The following PASK variants were observed in gnomAD, a reference collection of about 807,000 sequenced individuals.
PASK encodes the protein PAS domain containing serine/threonine kinase.
In PASK, 110 loss-of-function variants were observed where a neutral mutation model predicts 121.0. The ratio of observed to expected loss-of-function variants is 0.91; its 90% CI spans 0.78 to 1.06. The LOEUF (loss-of-function observed/expected upper bound fraction) is 1.06. Ranked by LOEUF, PASK falls within the 50% of genes least tolerant of loss-of-function variation. The probability of loss-of-function intolerance (pLI) is 0.00; values close to 1 mark genes in which losing one functional copy is unlikely to be tolerated. For missense variants in PASK, 1,643 were observed against 1,702.3 expected (o/e 0.97, Z 0.61); for synonymous variants, 686 against 717.8 (o/e 0.96, Z 0.71).
At position 241,115,043 on chromosome 2, in the gene PASK, T is replaced by A; in HGVS notation, c.3333A>T (p.Gln1111His). 2 of 1,614,122 alleles carry A rather than the reference T, an allele frequency of 1.2e-6. No individual in the cohort carries two copies. The highest frequency in any genetic ancestry group is 1.7e-6 in the Non-Finnish European group (2 of 1,179,996). The change falls in exon 14 of 18, where the codon CAA (glutamine) becomes CAT (histidine). Residue 1111 changes from glutamine to histidine, a missense_variant and splice_region_variant. By Grantham distance (24) the Gln-to-His change is conservative. Around this residue, in one of 3 missense-constraint regions of PASK, gnomAD observed 453 missense variants for 511.2 expected, o/e 0.89. Coordinates refer to ENST00000234040, the MANE Select transcript of PASK (RefSeq NM_015148.4). Reference sequence around the variant, plus strand: ...TAACACGGCTCTGGCCTGCTCTCACTTGTCGGAAGATGTAGCTCGCCAGGG... The same window carrying A: ...TAACACGGCTCTGGCCTGCTCTCACATGTCGGAAGATGTAGCTCGCCAGGG... Reference protein sequence around the residue: ...DEPLASYIFRQLVSAVGYLRL... With the variant: ...DEPLASYIFRHLVSAVGYLRL...
Position 241,140,542 on chromosome 2 carries a change from C to T in PASK, c.408G>A (p.Thr136=), listed in dbSNP as rs758784481. Residue 136 remains threonine, a synonymous_variant, in exon 3 of 18, where the codon ACG becomes ACA. Transcript: ENST00000234040. The part of the protein sequence containing the change: ...PVCNPNKAIF[T]VDAKTTEILV... Reference sequence around the variant, plus strand: ...ATACCTCTGTGGTCTTGGCATCCACCGTGAAGATGGCCTTGTTAGGGTTGC... The same window carrying T: ...ATACCTCTGTGGTCTTGGCATCCACTGTGAAGATGGCCTTGTTAGGGTTGC... 195 of 1,612,652 alleles carry T rather than the reference C, an allele frequency of 1.2e-4. 3 individuals are homozygous for T. The South Asian group carries it at 1.9e-3, about 16-fold the overall frequency.
At chr2:241,135,656 T>C (rs1329142839) in intron 8 of PASK, among the ~76,000 whole-genome samples, 1 of 151,866 alleles carries the variant, frequency 6.6e-6, no homozygotes, top group East Asian at 1.9e-4. Flanking sequence ...TTCTATTCTC[T>C]TCTCTATGCT....
At chr2:241,118,144 T>A (rs979246000) in intron 12 of PASK, among the ~76,000 whole-genome samples, 2 of 151,846 alleles carry the variant, frequency 1.3e-5, no homozygotes, top group African/African-American at 4.8e-5. Context: ...TTTGCAAAAC[T>A]GACAAGCTCA....
At chr2:241,114,046 A>G in intron 14 of PASK, 9 of 984,890 alleles carry the variant, frequency 9.1e-6, no homozygotes, top group Non-Finnish European at 1.1e-5. Flanking sequence ...CCCAGAATTA[A>G]CAGCTGTCAG....
rs1424632489 is a variant in PASK, at chr2:241,126,610, T to C, written c.2305A>G (p.Thr769Ala). 1 of 1,614,180 alleles carries C rather than the reference T, an allele frequency of 6.2e-7. No individual in the cohort carries two copies. Among genetic ancestry groups the C allele is most frequent in the Admixed American group, 1.7e-5 (1 of 60,028 alleles). The change falls in exon 10 of 18, where the codon ACA becomes GCA. Residue 769 changes from threonine to alanine, a missense_variant. Thr to Ala is a moderately conservative substitution (Grantham distance 58). Coordinates refer to ENST00000234040, the MANE Select transcript of PASK (RefSeq NM_015148.4). ...GAGCCCACTGCCAAGGAAGAGGGTG[T>C]CTCTCTGAGTTCAGACGTAGCACAG... ...CSCATSELRETPSSLAVGSDP... is the reference protein window; with the variant it reads ...CSCATSELREAPSSLAVGSDP...
rs542699719 is a variant in PASK, at chr2:241,115,954, C to T, written c.3073-541G>A. Among the ~76,000 whole-genome samples, 6 of 96,350 alleles carry T rather than the reference C, an allele frequency of 6.2e-5. 1 individual carries two copies. The highest frequency in any genetic ancestry group is 5.8e-4 in the East Asian group (1 of 1,736). The allele number at this position is 96,350 out of a possible 152,430, so 63.2% of individuals were successfully genotyped here. On this transcript the variant is annotated intron_variant, in intron 12 of 17. Coordinates refer to ENST00000234040, the MANE Select transcript of PASK (RefSeq NM_015148.4). ...CCATCAGTCCTCAAGCATCCCATTA[C>T]GCCGGGGCCACCTGGTCCTCAAGCA...
chr2:241,118,229 A>G (rs952206727), intron 12 of PASK, among the ~76,000 whole-genome samples: 4 of 152,194 alleles, frequency 2.6e-5, no homozygotes, highest in African/African-American at 9.6e-5. Flanking sequence ...GAAAAAAAAA[A>G]AACACAAAGT....
At chr2:241,118,909 T>C in intron 12 of PASK, 1 of 1,034,244 alleles carries the variant, frequency 9.7e-7, no homozygotes, top group Non-Finnish European at 1.2e-6. Flanking sequence ...GCTGCCGAGA[T>C]CTTCTCATAC....
At chr2:241,145,162 T>C (rs892718568) in intron 1 of PASK, among the ~76,000 whole-genome samples, 1 of 152,158 alleles carries the variant, frequency 6.6e-6, no homozygotes, top group African/African-American at 2.4e-5. Flanking sequence ...ATCCACCTGC[T>C]GCGGCCTCCC....
chr2:241,125,914 A>T (rs1000795761), intron 10 of PASK, among the ~76,000 whole-genome samples: 1 of 152,106 alleles, frequency 6.6e-6, no homozygotes, highest in African/African-American at 2.4e-5. Flanking sequence ...TGCTGGGAGG[A>T]GCGGCTCTCT....
In PASK at chr2:241,132,990, C is replaced by A. The variant is rs1363951669; in HGVS notation, c.1347G>T (p.Val449=). 3 of 1,614,114 alleles carry A rather than the reference C, an allele frequency of 1.9e-6. No homozygotes were observed. Among genetic ancestry groups the A allele is most frequent in the East Asian group, 2.2e-5 (1 of 44,880 alleles). The change falls in exon 9 of 18, where the codon GTG becomes GTT. Residue 449 remains valine (V), a synonymous_variant. Transcript: ENST00000234040. The stretch of plus-strand genomic sequence containing the variant: ...TCAGCTTCCGGATCTCATCTCGGGG[C>A]ACAACGTGGCCACCAGCAAGCACGA... ...INVVLAGGHV[V]PRDEIRKLME...
chr2:241,142,160 C>A (rs1342022758), intron 2 of PASK, among the ~76,000 whole-genome samples: 2 of 152,130 alleles, frequency 1.3e-5, no homozygotes, highest in African/African-American at 4.8e-5. Context: ...AAGCTCAGCT[C>A]CAACACCCTC....
chr2:241,145,804 G>C (rs959064890), intron 1 of PASK: 1 of 152,300 alleles, frequency 6.6e-6, no homozygotes, highest in Non-Finnish European at 1.5e-5. Context: ...GAACCTGGGA[G>C]GTGGAGGTTG....
rs1466256693 is a variant in PASK, at chr2:241,133,001, C to T, written c.1336G>A (p.Gly446Ser). ...ATCTCATCTCGGGGCACAACGTGGC[C>T]ACCAGCAAGCACGACATTAATCCTT... Reference protein sequence around the residue: ...DPRINVVLAGGHVVPRDEIRK... With the variant: ...DPRINVVLAGSHVVPRDEIRK... The change falls in exon 9 of 18, where the codon GGC (glycine) becomes AGC (serine). Residue 446 changes from glycine (G) to serine (S), a missense_variant. Around this residue, in one of 3 missense-constraint regions of PASK, gnomAD observed 1,176 missense variants for 1,162.2 expected, o/e 1.01. Coordinates refer to ENST00000234040, the MANE Select transcript of PASK (RefSeq NM_015148.4). 4 of 1,613,984 alleles carry T rather than the reference C, an allele frequency of 2.5e-6. No individual in the cohort carries two copies. Among genetic ancestry groups the T allele is most frequent in the Non-Finnish European group, 3.4e-6 (4 of 1,180,012 alleles).
rs35476448 is a variant in PASK, at chr2:241,144,149, CGT to C, written c.-42-1077_-42-1076del. Among the ~76,000 whole-genome samples the C allele has an allele frequency of 9.2e-3, 1,396 of 152,076 alleles. 15 individuals carry two copies. Among genetic ancestry groups the C allele is most frequent in the East Asian group, 0.026 (136 of 5,166 alleles). On this transcript the variant is annotated intron_variant, in intron 1 of 17. Transcript: ENST00000234040. ...GTGCGTGTGCACATGTGTACATGAG[CGT>C]GTGTGTGTGCGCGCATGTGAGCACG...
intron 11 of PASK, 139 bp from the exon 12 acceptor site, chr2:241,123,038 C>G: frequency 1.4e-6 from 1 of 731,622 alleles, no homozygotes; most frequent in Non-Finnish European, 2.2e-6. Context: ...TCCTCCCATG[C>G]TCTCAGACAG....
chr2:241,116,844 G>A lies in PASK; in HGVS notation c.3073-1431C>T, dbSNP rs529739990. ...AACCACAGGATGGGCCTGTTCAGGT[G>A]TCAGGAAGAGATGCTGAGTGAGATC... On this transcript the variant is annotated intron_variant, in intron 12 of 17. Coordinates refer to ENST00000234040, the MANE Select transcript of PASK (RefSeq NM_015148.4). Among the ~76,000 whole-genome samples, 16 of 152,338 alleles carry A rather than the reference G, an allele frequency of 1.1e-4. 1 individual carries two copies. The South Asian group carries it at 2.3e-3, about 22-fold the overall frequency.
At chr2:241,111,189 G>A (rs2065097253) in intron 15 of PASK, among the ~76,000 whole-genome samples, 1 of 152,244 alleles carries the variant, frequency 6.6e-6, no homozygotes, top group Admixed American at 6.5e-5. Flanking sequence ...GTGACTGCGA[G>A]CAAATGCCCT....
chr2:241,145,310 C>G (rs12991312), intron 1 of PASK, among the ~76,000 whole-genome samples: 9,432 of 152,080 alleles, frequency 0.062, 338 homozygotes, highest in South Asian at 0.14. Flanking sequence ...AAGATCTGAT[C>G]TGTGGAAGTC....
Sources: allele counts gnomAD v4.1 joint callset (sites outside exome capture counted in the v4.1 genomes callset), GRCh38; gene constraint gnomAD v4.1.1; regional missense constraint gnomAD v4.1.1; transcripts MANE v1.5; gene names NCBI Gene and HGNC (gene_info 2026-07-23, HGNC 2026-07-21).